Variants in CTSO observed in about 807,000 individuals in gnomAD.
CTSO encodes cathepsin O.
In CTSO, 40 loss-of-function variants were observed where a neutral mutation model predicts 42.4. The ratio of observed to expected loss-of-function variants is 0.94; its 90% CI spans 0.73 to 1.23. The LOEUF is 1.23. Ranked by LOEUF, CTSO falls within the 50% of genes most tolerant of loss-of-function variation. CTSO has a pLI of 0.00. For missense variants in CTSO, 441 were observed against 396.0 expected (o/e 1.11, Z -0.96); for synonymous variants, 156 against 146.2 (o/e 1.07, Z -0.48).
At chr4:155,938,798 A>C (rs980421573) in intron 4 of CTSO, among the ~76,000 whole-genome samples, 1 of 152,048 alleles carries the variant, frequency 6.6e-6, no homozygotes, top group Non-Finnish European at 1.5e-5. Flanking sequence ...AACAAAAAAA[A>C]CAAAAAAATT....
Position 155,926,068 on chromosome 4 carries a change from T to C in CTSO, c.934A>G (p.Ile312Val), listed in dbSNP as rs751081061. The change falls in exon 8 of 8, where the codon ATT becomes GTT. Residue 312 changes from isoleucine (I) to valine (V), a missense_variant and splice_region_variant. Coordinates refer to ENST00000433477, the MANE Select transcript of CTSO (RefSeq NM_001334.3). ...AATATAGAAGAAACGGAATCTGCAA[T>C]ACCTAAGGGAAAAAAAAGGAATTAT... Reference protein sequence around the residue: ...HVKMGSNVCGIADSVSSIFV With the variant: ...HVKMGSNVCGVADSVSSIFV 6.6e-7 allele frequency: 1 copy of C among 1,508,850 alleles called. No homozygotes were observed. The highest frequency in any genetic ancestry group is 1.2e-5 in the South Asian group (1 of 83,506). The allele number at this position is 1,508,850 out of a possible 1,614,324, so 93.5% of individuals were successfully genotyped here. A position where few individuals can be genotyped will look rare whatever the true frequency, so the allele number is the denominator to read the frequency against.
At position 155,953,077 on chromosome 4, in the gene CTSO, AATTAT is replaced by A. The variant is rs544589976; in HGVS notation, c.135+631_135+635del. Reference sequence around the variant, plus strand: ...TTTATTATAAATATTATAAAATATAAATTATATTATATTTCGTATAATAATATGAA... The same window carrying A: ...TTTATTATAAATATTATAAAATATAAATTATATTTCGTATAATAATATGAA... On this transcript the variant is annotated intron_variant, in intron 1 of 7. Transcript: ENST00000433477. 4.9e-4 allele frequency among the ~76,000 whole-genome samples: 73 copies of A among 150,382 alleles called. 1 individual carries two copies. The highest frequency in any genetic ancestry group is 4.1e-3 in the Admixed American group (62 of 15,096).
At chr4:155,946,263 T>C (rs1476319270) in intron 1 of CTSO, among the ~76,000 whole-genome samples, 3 of 152,246 alleles carry the variant, frequency 2.0e-5, no homozygotes, top group African/African-American at 7.2e-5. Context: ...GGAGTTCCCA[T>C]GTACTTCTCT....
intron 4 of CTSO, among the ~76,000 whole-genome samples, chr4:155,937,685 T>C (rs1215470207): frequency 6.6e-6 from 1 of 151,980 alleles, no homozygotes; most frequent in Non-Finnish European, 1.5e-5. Flanking sequence ...CTCGATCTCG[T>C]CTCACTGCAA....
At chr4:155,953,179 G>A (rs1395391552) in intron 1 of CTSO, among the ~76,000 whole-genome samples, 2 of 151,696 alleles carry the variant, frequency 1.3e-5, no homozygotes, top group Non-Finnish European at 2.9e-5. Context: ...AAAGTGGTGC[G>A]TTAGTTTAAG....
Position 155,939,435 on chromosome 4 carries a change from C to G in CTSO, c.488G>C (p.Cys163Ser). The G allele has an allele frequency of 6.2e-7, 1 of 1,614,042 alleles. No homozygotes were observed. The highest frequency in any genetic ancestry group is 8.5e-7 in the Non-Finnish European group (1 of 1,179,942). Residue 163 changes from cysteine to serine, a missense_variant, in exon 4 of 8, where the codon TGT becomes TCT. By Grantham distance (112) the Cys-to-Ser change is moderately radical (BLOSUM62 -1). Coordinates refer to ENST00000433477, the MANE Select transcript of CTSO (RefSeq NM_001334.3). Reference protein sequence around the residue: ...EDLSVQQVIDCSYNNYGCNGG... With the variant: ...EDLSVQQVIDSSYNNYGCNGG... The stretch of plus-strand genomic sequence containing the variant: ...ATTGCAGCCATAATTATTATACGAA[C>G]AGTCAATGACCTGCTGGACACTTAG...
At chr4:155,928,234 A>T in intron 7 of CTSO, 102 bp downstream of exon 7, 1 of 742,276 alleles carries the variant, frequency 1.3e-6, no homozygotes, top group Non-Finnish European at 2.0e-6. Context: ...AAGGACAAAA[A>T]TTATTACTGC....
At chr4:155,947,681 C>CGG in intron 1 of CTSO, among the ~76,000 whole-genome samples, 1 of 152,036 alleles carries the variant, frequency 6.6e-6, no homozygotes. Context: ...GTGACTTTTC[C>CGG]GGTCTCTCTT....
Position 155,939,341 on chromosome 4 carries a change from A to T in CTSO, c.552+30T>A, listed in dbSNP as rs118082942. ...CAGTAAACAAGCAAAAAAGGAAATAAAGAGTTTAAGAGGTTGAGAGACTAG... is the reference window on the plus strand; with the variant it reads ...CAGTAAACAAGCAAAAAAGGAAATATAGAGTTTAAGAGGTTGAGAGACTAG... On this transcript the variant is annotated intron_variant, in intron 4 of 7. Coordinates refer to ENST00000433477, the MANE Select transcript of CTSO (RefSeq NM_001334.3). 39 of 1,538,272 alleles carry T rather than the reference A, an allele frequency of 2.5e-5. No homozygotes were observed. The East Asian group carries it at 8.9e-4, about 35-fold the overall frequency.
chr4:155,934,892 A>T (rs566408815), intron 5 of CTSO, among the ~76,000 whole-genome samples: 1 of 152,292 alleles, frequency 6.6e-6, no homozygotes, highest in African/African-American at 2.4e-5. Flanking sequence ...GTTAATGCTG[A>T]AATGAGTTAA....
chr4:155,931,436 AT>A (rs1170299257), intron 5 of CTSO, among the ~76,000 whole-genome samples: 1 of 152,156 alleles, frequency 6.6e-6, no homozygotes, highest in African/African-American at 2.4e-5. Context: ...CAAAGAAACA[AT>A]TTAGTAATAA....
chr4:155,943,388 T>C, intron 1 of CTSO, 124 bp from the exon 2 acceptor site: 2 of 551,876 alleles, frequency 3.6e-6, no homozygotes, highest in Non-Finnish European at 6.5e-6. Flanking sequence ...CAGACTACAA[T>C]GTAAAGTTGT....
chr4:155,953,291 A>T (rs1191936713), intron 1 of CTSO, among the ~76,000 whole-genome samples: 1 of 151,898 alleles, frequency 6.6e-6, no homozygotes, highest in Non-Finnish European at 1.5e-5. Flanking sequence ...AAAACACGAC[A>T]GGTTTCTTCC....
At chr4:155,940,906 G>A (rs1743418696) in intron 3 of CTSO, among the ~76,000 whole-genome samples, 1 of 142,760 alleles carries the variant, frequency 7.0e-6, no homozygotes. Flanking sequence ...CTTTAGTCAA[G>A]CCACAAGGGC....
At chr4:155,930,538 A>G (rs1202652715) in intron 5 of CTSO, among the ~76,000 whole-genome samples, 1 of 152,196 alleles carries the variant, frequency 6.6e-6, no homozygotes, top group Non-Finnish European at 1.5e-5. Context: ...TACACTTTTC[A>G]AAGGTCAGCT....
intron 7 of CTSO, among the ~76,000 whole-genome samples, chr4:155,926,391 T>C (rs770488286): frequency 9.8e-5 from 15 of 152,338 alleles, no homozygotes; most frequent in South Asian, 2.1e-4. Flanking sequence ...ACATTATTTC[T>C]TAGAGGCAAA....
chr4:155,949,476 G>A (rs1743607222), intron 1 of CTSO, among the ~76,000 whole-genome samples: 1 of 152,082 alleles, frequency 6.6e-6, no homozygotes, highest in Non-Finnish European at 1.5e-5. Flanking sequence ...GTATCCATGG[G>A]ATAAGTTTTA....
chr4:155,939,389 A>G lies in CTSO; in HGVS notation c.534T>C (p.Ala178=). 6.2e-7 allele frequency: 1 copy of G among 1,613,354 alleles called. No individual in the cohort carries two copies. Among genetic ancestry groups the G allele is most frequent in the Non-Finnish European group, 8.5e-7 (1 of 1,179,448 alleles). The change falls in exon 4 of 8, where the codon GCT becomes GCC. Residue 178 remains alanine (A), a synonymous_variant. Coordinates refer to ENST00000433477, the MANE Select transcript of CTSO (RefSeq NM_001334.3). ...TAGTCACCTTGTTTAACCAGTTCAA[A>G]GCATTGAGAGTAGAGCCTCCATTGC... The part of the protein sequence containing the change: ...YGCNGGSTLN[A]LNWLNKMQVK...
Position 155,942,395 on chromosome 4 carries a change from G to A in CTSO, c.306C>T (p.Ser102=), listed in dbSNP as rs761730659. The A allele has an allele frequency of 1.9e-6, 3 of 1,600,564 alleles. No individual in the cohort carries two copies. The highest frequency in any genetic ancestry group is 2.6e-6 in the Non-Finnish European group (3 of 1,174,254). ...TTAACGGCAAAGACACATTGGGGATGGACATATGTACTTCTGCTGAGTATC... is the reference window on the plus strand; with the variant it reads ...TTAACGGCAAAGACACATTGGGGATAGACATATGTACTTCTGCTGAGTATC... ...FPRYSAEVHM[S]IPNVSLPLRF... is the part of the protein sequence containing the mutation. The change falls in exon 3 of 8, where the codon TCC becomes TCT. Residue 102 remains serine, a synonymous_variant. Transcript: ENST00000433477.
Sources: allele counts gnomAD v4.1 joint callset (sites outside exome capture counted in the v4.1 genomes callset), GRCh38; gene constraint gnomAD v4.1.1; transcripts MANE v1.5; gene names NCBI Gene and HGNC (gene_info 2026-07-23, HGNC 2026-07-21).